The following DST variants were observed in gnomAD, a reference collection of about 807,000 sequenced individuals.
DST encodes the protein dystonin.
A neutral mutation model predicts 875.2 loss-of-function variants in DST; 253 were observed. The observed-to-expected ratio is 0.29, with a 90% CI of 0.26 to 0.32. The LOEUF (loss-of-function observed/expected upper bound fraction) is 0.32. Ranked by LOEUF, DST falls within the 10% of genes least tolerant of loss-of-function variation. The probability of loss-of-function intolerance (pLI) is 1.00; values close to 1 mark genes in which losing one functional copy is unlikely to be tolerated. For synonymous variants in DST, 3,124 were observed against 3,197.1 expected (o/e 0.98, Z 0.77); for missense variants, 8,287 against 9,111.6 (o/e 0.91, Z 3.68).
At chr6:56,509,586 A>G (rs1179980883) in intron 74 of DST, 56 bp downstream of exon 74, 1 of 1,340,618 alleles carries the variant, frequency 7.5e-7, no homozygotes, top group Non-Finnish European at 1.0e-6. Context: ...CGGTGAGTAA[A>G]CCGCATAAAC....
At chr6:56,780,611 A>C (rs2099691321) in intron 4 of DST, among the ~76,000 whole-genome samples, 1 of 152,026 alleles carries the variant, frequency 6.6e-6, no homozygotes, top group Admixed American at 6.6e-5. Context: ...AGTTCATTGT[A>C]GATTCTGGAT....
intron 2 of DST, among the ~76,000 whole-genome samples, chr6:56,933,934 A>G (rs998370011): frequency 2.0e-5 from 3 of 152,220 alleles, no homozygotes; most frequent in South Asian, 2.1e-4. Flanking sequence ...AGGAAACCAG[A>G]TAACAGGCTT....
intron 49 of DST, among the ~76,000 whole-genome samples, chr6:56,580,124 C>T (rs2097943444): frequency 6.6e-6 from 1 of 152,144 alleles, no homozygotes; most frequent in African/African-American, 2.4e-5. Flanking sequence ...CTACAGGTAG[C>T]TTTTAAAATT....
At chr6:56,908,109 ACAC>A (rs1285481786) in intron 2 of DST, among the ~76,000 whole-genome samples, 1 of 152,076 alleles carries the variant, frequency 6.6e-6, no homozygotes, top group Non-Finnish European at 1.5e-5. Context: ...ACACACACAC[ACAC>A]ACACATATAT....
At chr6:56,694,997 C>T (rs780531764) in intron 9 of DST, among the ~76,000 whole-genome samples, 40 of 151,844 alleles carry the variant, frequency 2.6e-4, no homozygotes, top group Non-Finnish European at 5.3e-4. Flanking sequence ...TGTGGTGATG[C>T]GTGCCCATAA....
chr6:56,491,024 C>T (rs756251475), intron 85 of DST, among the ~76,000 whole-genome samples: 4 of 152,118 alleles, frequency 2.6e-5, no homozygotes, highest in Non-Finnish European at 5.9e-5. Context: ...TCAAGAAATG[C>T]CGGCACTACA....
At chr6:56,899,771 G>A (rs183821036) in intron 3 of DST, among the ~76,000 whole-genome samples, 5 of 152,308 alleles carry the variant, frequency 3.3e-5, no homozygotes, top group Admixed American at 1.3e-4. Context: ...ACAGAACAAC[G>A]TGCTCAGGAT....
intron 10 of DST, among the ~76,000 whole-genome samples, chr6:56,653,202 T>G (rs552534955): frequency 2.3e-3 from 355 of 152,288 alleles, no homozygotes; most frequent in Admixed American, 4.2e-3. Context: ...AACATAAAAC[T>G]TCCTTCAGAA....
intron 10 of DST, among the ~76,000 whole-genome samples, chr6:56,661,424 G>T (rs981595463): frequency 2.0e-5 from 3 of 152,108 alleles, no homozygotes; most frequent in Non-Finnish European, 4.4e-5. Flanking sequence ...AGTAAGGAGA[G>T]TTTTGATCAA....
chr6:56,862,739 G>A lies in DST; in HGVS notation c.418-11135C>T, dbSNP rs117166102. Among the ~76,000 whole-genome samples the A allele has an allele frequency of 6.4e-4, 97 of 152,220 alleles. No individual in the cohort carries two copies. The East Asian group carries it at 0.016, about 25-fold the overall frequency. On this transcript the variant is annotated intron_variant, in intron 3 of 103. Transcript: ENST00000680361. ...TGAACTAAATCATTGAAATTGGGGG[G>A]GAATGGAGAGGATGAATTTGAGAAA...
chr6:56,648,425 A>C (rs997629837), intron 13 of DST, 145 bp downstream of exon 13: 2 of 619,410 alleles, frequency 3.2e-6, no homozygotes, highest in Admixed American at 6.4e-5. Flanking sequence ...ATAATAAGAG[A>C]AATGAGTAAT....
At chr6:56,619,473 G>GTAGTCTTTC (rs1197156147) in intron 36 of DST, 5 of 1,611,806 alleles carry the variant, frequency 3.1e-6, no homozygotes, top group South Asian at 2.2e-5. Flanking sequence ...TGGCAGATTT[G>GTAGTCTTTC]TAGTCTTTCT....
chr6:56,507,416 G>T (rs1396193756), intron 75 of DST, among the ~76,000 whole-genome samples: 2 of 152,194 alleles, frequency 1.3e-5, no homozygotes, highest in Admixed American at 1.3e-4. Context: ...CCCTCAAGGG[G>T]CCCACACTAC....
chr6:56,651,946 C>T (rs1158699709), intron 10 of DST, among the ~76,000 whole-genome samples: 1 of 152,152 alleles, frequency 6.6e-6, no homozygotes, highest in African/African-American at 2.4e-5. Context: ...TGTATTTTAT[C>T]CTTCTGCTGT....
chr6:56,940,422 AG>A (rs1288029525), intron 2 of DST, among the ~76,000 whole-genome samples: 1 of 152,240 alleles, frequency 6.6e-6, no homozygotes, highest in Non-Finnish European at 1.5e-5. Flanking sequence ...AGACTCTTTT[AG>A]GAATCCACAA....
intron 10 of DST, among the ~76,000 whole-genome samples, chr6:56,661,915 T>A (rs951643968): frequency 3.3e-5 from 5 of 152,030 alleles, no homozygotes; most frequent in East Asian, 1.9e-4. Context: ...AATGATCACA[T>A]CACTGAAATT....
In DST at chr6:56,868,226, A is replaced by C. The variant is rs1463328992; in HGVS notation, c.418-16622T>G. Among the ~76,000 whole-genome samples the C allele has an allele frequency of 2.0e-5, 3 of 152,214 alleles. No individual in the cohort carries two copies. In the East Asian group the frequency reaches 5.8e-4, roughly 29 times the overall value. On this transcript the variant is annotated intron_variant, in intron 3 of 103. Coordinates refer to ENST00000680361, the MANE Select transcript of DST (RefSeq NM_001374736.1). ...AAACAGGAAAACAATGCAGCGTTGAAGAGAGTGTTCTCAACTATGAGGTCT... is the reference window on the plus strand; with the variant it reads ...AAACAGGAAAACAATGCAGCGTTGACGAGAGTGTTCTCAACTATGAGGTCT...
Position 56,597,978 on chromosome 6 carries a change from C to T in DST, c.11957G>A (p.Ser3986Asn), listed in dbSNP as rs1442978152. The T allele has an allele frequency of 1.2e-6, 2 of 1,608,036 alleles. No individual in the cohort carries two copies. Among genetic ancestry groups the T allele is most frequent in the South Asian group, 1.1e-5 (1 of 89,754 alleles). The change falls in exon 47 of 104, where the codon AGC becomes AAC. Residue 3986 changes from serine to asparagine, a missense_variant. Physicochemically the swap from Ser to Asn is conservative, Grantham distance 46. Around this residue, in one of 10 missense-constraint regions of DST, gnomAD observed 1,513 missense variants for 1,677.8 expected, o/e 0.90. Transcript: ENST00000680361. ...KVAAVKQLEE[S>N]KTKIENLLDW... ...CAAAAGGTTTTCTATTTTGGTTTTGCTCTCTTCCAGCTGCTTCACTGCTGC... is the reference window on the plus strand; with the variant it reads ...CAAAAGGTTTTCTATTTTGGTTTTGTTCTCTTCCAGCTGCTTCACTGCTGC...
chr6:56,743,871 G>C (rs2152941297), intron 4 of DST, among the ~76,000 whole-genome samples: 1 of 152,244 alleles, frequency 6.6e-6, no homozygotes, highest in African/African-American at 2.4e-5. Flanking sequence ...AGTAAAGCTT[G>C]GGCTGTGCAT....
Sources: allele counts gnomAD v4.1 joint callset (sites outside exome capture counted in the v4.1 genomes callset), GRCh38; gene constraint gnomAD v4.1.1; regional missense constraint gnomAD v4.1.1; transcripts MANE v1.5; gene names NCBI Gene and HGNC (gene_info 2026-07-23, HGNC 2026-07-21).